The following FGF13 variants were observed in gnomAD, a reference collection of about 807,000 sequenced individuals.
FGF13 encodes the protein fibroblast growth factor 13.
A neutral mutation model predicts 19.5 loss-of-function variants in FGF13; 2 were observed. That is an observed-to-expected ratio of 0.10 (90% CI 0.04 to 0.32). The LOEUF (loss-of-function observed/expected upper bound fraction) is 0.32. Ranked by LOEUF, FGF13 falls within the 10% of genes least tolerant of loss-of-function variation. FGF13 has a pLI of 1.00. For missense variants in FGF13, 113 were observed against 192.7 expected (o/e 0.59, Z 2.45); for synonymous variants, 72 against 76.9 (o/e 0.94, Z 0.33).
chrX:138,898,466 C>G (rs1340355909), intron 1 of FGF13, among the ~76,000 whole-genome samples: 2 of 111,895 alleles, frequency 1.8e-5, no homozygotes, highest in Non-Finnish European at 3.8e-5. Flanking sequence ...CTCACTGAGG[C>G]AAACATGTAA....
At chrX:139,199,189 A>T (rs187393372) in intron 1 of FGF13, among the ~76,000 whole-genome samples, 265 of 112,515 alleles carry the variant, frequency 2.4e-3, no homozygotes, top group African/African-American at 8.1e-3. Flanking sequence ...TGTGTTCTGT[A>T]CTAATTGCTA....
Position 138,632,774 on chromosome X carries a change from T to C in FGF13, c.*76A>G. ...TCACTGACAAATTTGAACTTTTGGG[T>C]GAAGGACTGCTAGAAGAATTCAACA... On this transcript the variant is annotated 3_prime_UTR_variant, in exon 5 of 5. Coordinates refer to ENST00000315930, the MANE Select transcript of FGF13 (RefSeq NM_004114.5). 2 of 1,107,089 alleles carry C rather than the reference T, an allele frequency of 1.8e-6. No homozygotes were observed. The highest frequency in any genetic ancestry group is 2.4e-6 in the Non-Finnish European group (2 of 825,705). 91.2% of individuals were successfully genotyped at this position (1,107,089 alleles called of 1,213,427 possible). A position where few individuals can be genotyped will look rare whatever the true frequency, so the allele number is the denominator to read the frequency against.
intron 1 of FGF13, among the ~76,000 whole-genome samples, chrX:138,941,212 G>T (rs1054610784): frequency 2.2e-4 from 24 of 111,480 alleles, no homozygotes; most frequent in African/African-American, 7.8e-4. Context: ...TCCGGCCAGA[G>T]CAATCAGGGA....
chrX:138,966,693 G>A (rs1208396921), intron 1 of FGF13, among the ~76,000 whole-genome samples: 1 of 111,538 alleles, frequency 9.0e-6, no homozygotes, highest in Non-Finnish European at 1.9e-5. Context: ...CGACTCTGGG[G>A]GACTGTTGGA....
At chrX:138,803,952 G>A (rs183481317) in intron 3 of FGF13, among the ~76,000 whole-genome samples, 133 of 111,687 alleles carry the variant, frequency 1.2e-3, no homozygotes, top group Admixed American at 2.6e-3. Context: ...GCAGCATAGC[G>A]TGTGGCTTGA....
chrX:139,198,082 T>C (rs373535877), intron 1 of FGF13, among the ~76,000 whole-genome samples: 11 of 109,467 alleles, frequency 1.0e-4, no homozygotes, highest in African/African-American at 3.3e-4. Context: ...AAGAACTTTC[T>C]GGGGTGACAA....
intron 1 of FGF13, among the ~76,000 whole-genome samples, chrX:139,025,990 C>T (rs749866139): frequency 4.5e-5 from 5 of 111,097 alleles, no homozygotes; most frequent in African/African-American, 1.3e-4. Flanking sequence ...TCTATTTGCA[C>T]CTCTCTGACT....
At chrX:139,160,044 T>A (rs1472324035) in intron 1 of FGF13, among the ~76,000 whole-genome samples, 11 of 111,919 alleles carry the variant, frequency 9.8e-5, no homozygotes, top group Non-Finnish European at 3.8e-5. Flanking sequence ...TACATTCTTC[T>A]TAGCACCACA....
intron 1 of FGF13, among the ~76,000 whole-genome samples, chrX:138,943,556 A>G (rs2091768666): frequency 8.9e-6 from 1 of 112,116 alleles, no homozygotes; most frequent in African/African-American, 3.2e-5. Context: ...CATTCACTAA[A>G]TGTCATTCAC....
chrX:138,708,379 G>A (rs1054487136), intron 2 of FGF13, among the ~76,000 whole-genome samples: 9 of 111,932 alleles, frequency 8.0e-5, no homozygotes, highest in African/African-American at 2.6e-4. Flanking sequence ...TTATCAGTGT[G>A]TGTGTGGAGC....
intron 1 of FGF13, among the ~76,000 whole-genome samples, chrX:139,161,662 G>A (rs1444298267): frequency 8.9e-6 from 1 of 111,807 alleles, no homozygotes; most frequent in Non-Finnish European, 1.9e-5. Flanking sequence ...CATTGCCTCA[G>A]GCCAAAATCT....
intron 1 of FGF13, among the ~76,000 whole-genome samples, chrX:138,947,505 A>T (rs1483730436): frequency 9.0e-6 from 1 of 111,600 alleles, no homozygotes; most frequent in Non-Finnish European, 1.9e-5. Context: ...GAAAAAATAA[A>T]AAATCCTATT....
chrX:138,998,679 A>G (rs1200267059), intron 1 of FGF13, among the ~76,000 whole-genome samples: 4 of 111,894 alleles, frequency 3.6e-5, no homozygotes, highest in Admixed American at 9.5e-5. Context: ...ACCCAGATTC[A>G]TAAGGCAAAT....
Position 138,984,500 on chromosome X carries a change from GGA to G in FGF13, c.-112-119852_-112-119851del, listed in dbSNP as rs2091978696. ...AGAAGGAGAAGAAGGAGAAGGAGAAGGAGAAGAAGAGGAAGAAGAAGAGGAAG... is the reference window on the plus strand; with the variant it reads ...AGAAGGAGAAGAAGGAGAAGGAGAAGGAAGAAGAGGAAGAAGAAGAGGAAG... On this transcript the variant is annotated intron_variant, in intron 1 of 2. Coordinates refer to the FGF13 transcript ENST00000421460. Among the ~76,000 whole-genome samples, 6 of 75,819 alleles carry G rather than the reference GGA, an allele frequency of 7.9e-5. 1 individual carries two copies. Among genetic ancestry groups the G allele is most frequent in the South Asian group, 7.3e-4 (1 of 1,370 alleles). The allele number at this position is 75,819 out of a possible 115,157, so 65.8% of individuals were successfully genotyped here.
intron 3 of FGF13, among the ~76,000 whole-genome samples, chrX:138,675,879 T>C (rs1296025789): frequency 9.0e-6 from 1 of 111,573 alleles, no homozygotes; most frequent in Non-Finnish European, 1.9e-5. Context: ...GATTCCACCA[T>C]GTGGTGACAG....
At chrX:139,174,958 T>C (rs1434852542) in intron 1 of FGF13, among the ~76,000 whole-genome samples, 1 of 112,157 alleles carries the variant, frequency 8.9e-6, no homozygotes, top group Non-Finnish European at 1.9e-5. Context: ...TTGATAGGGA[T>C]AGCATTGAAT....
intron 3 of FGF13, among the ~76,000 whole-genome samples, chrX:138,805,244 T>C (rs2124008058): frequency 8.9e-6 from 1 of 111,784 alleles, no homozygotes; most frequent in South Asian, 3.8e-4. Flanking sequence ...ATATACAAGG[T>C]AATATCAGAT....
chrX:138,708,978 G>A, intron 1 of FGF13, 50 bp from the exon 2 acceptor site: 1 of 689,409 alleles, frequency 1.5e-6, no homozygotes, highest in Non-Finnish European at 2.2e-6. Context: ...TGCCTATGTA[G>A]TTGAAAAGAC....
In FGF13 at chrX:138,960,796, G is replaced by A. The variant is rs191352669; in HGVS notation, c.-112-96146C>T. ...CTGATACCCTTTCTTCCACTTAATC[G>A]AATCAGCTACTGAAGCTTGTGCATG... On this transcript the variant is annotated intron_variant, in intron 1 of 2. Coordinates refer to the FGF13 transcript ENST00000421460. 5.4e-5 allele frequency among the ~76,000 whole-genome samples: 6 copies of A among 111,094 alleles called. No individual in the cohort carries two copies. In the East Asian group the frequency reaches 8.5e-4, roughly 16 times the overall value.
Sources: gnomAD v4.1 joint callset for allele counts (sites outside exome capture counted in the v4.1 genomes callset) on GRCh38, gnomAD v4.1.1 for gene constraint, MANE v1.5 for transcripts, NCBI Gene and HGNC (gene_info 2026-07-23, HGNC 2026-07-21) for gene names.